Variants in LRRC7 observed in about 807,000 individuals in gnomAD.
LRRC7 encodes leucine-rich repeat-containing protein 7.
Under a neutral mutation model 175.7 loss-of-function variants are expected in LRRC7, and 23 were observed. That is an observed-to-expected ratio of 0.13 (90% CI 0.09 to 0.19). LRRC7 has a LOEUF of 0.19. LRRC7 is among the 10% of genes least tolerant of loss of function. The pLI is 1.00. For synonymous variants in LRRC7, 685 were observed against 680.9 expected (o/e 1.01, Z -0.09); for missense variants, 1,354 against 1,904.7 (o/e 0.71, Z 5.38).
Position 70,020,991 on chromosome 1 carries a change from G to A in LRRC7, c.1421-14G>A. 1 of 1,589,748 alleles carries A rather than the reference G, an allele frequency of 6.3e-7. No individual in the cohort carries two copies. The highest frequency in any genetic ancestry group is 8.5e-7 in the Non-Finnish European group (1 of 1,170,416). On this transcript the variant is annotated splice_polypyrimidine_tract_variant and intron_variant, in intron 15 of 26. Transcript: ENST00000651989. ...TTTTTAAAAAAACAATAATACTTTG[G>A]AATCTAACTGTAGATTTCCAGTCAG...
intron 8 of LRRC7, among the ~76,000 whole-genome samples, chr1:69,942,237 C>G (rs1648794633): frequency 6.6e-6 from 1 of 152,082 alleles, no homozygotes; most frequent in Non-Finnish European, 1.5e-5. Flanking sequence ...TTCCACAAAA[C>G]CCGTATGAAG....
intron 7 of LRRC7, among the ~76,000 whole-genome samples, chr1:69,869,596 A>G (rs1685302983): frequency 6.6e-6 from 1 of 152,132 alleles, no homozygotes; most frequent in African/African-American, 2.4e-5. Flanking sequence ...ATGAGAGCCC[A>G]TCCTCACATA....
chr1:69,728,431 C>T (rs1265442440), intron 2 of LRRC7, among the ~76,000 whole-genome samples: 1 of 152,120 alleles, frequency 6.6e-6, no homozygotes, highest in Non-Finnish European at 1.5e-5. Flanking sequence ...AAATATGCAG[C>T]AAGGGAAGGA....
chr1:70,022,762 A>T (rs1657646472), intron 16 of LRRC7, among the ~76,000 whole-genome samples: 1 of 152,180 alleles, frequency 6.6e-6, no homozygotes, highest in South Asian at 2.1e-4. Context: ...TCTTACACTA[A>T]ATCACACTTT....
chr1:69,945,748 T>C (rs1649238731), intron 8 of LRRC7, among the ~76,000 whole-genome samples: 1 of 152,154 alleles, frequency 6.6e-6, no homozygotes, highest in Non-Finnish European at 1.5e-5. Flanking sequence ...AAGTATTTTT[T>C]ATGCTATGAT....
chr1:69,989,650 A>T (rs1654247901), intron 10 of LRRC7, among the ~76,000 whole-genome samples: 1 of 152,086 alleles, frequency 6.6e-6, no homozygotes, highest in Non-Finnish European at 1.5e-5. Flanking sequence ...AAGCAAACAA[A>T]TTACCTTCTC....
chr1:70,113,608 A>G (rs1424336034), intron 26 of LRRC7, among the ~76,000 whole-genome samples: 1 of 152,136 alleles, frequency 6.6e-6, no homozygotes. Flanking sequence ...TTAAAAGCAC[A>G]TTGTACTTTT....
chr1:69,919,695 C>A, intron 7 of LRRC7: 1 of 982,882 alleles, frequency 1.0e-6, no homozygotes, highest in Non-Finnish European at 1.6e-6. Flanking sequence ...TGCAGCTCGG[C>A]CAAGGCCAGG....
At chr1:69,796,702 G>A (rs1257125571) in intron 4 of LRRC7, among the ~76,000 whole-genome samples, 2 of 151,932 alleles carry the variant, frequency 1.3e-5, no homozygotes, top group Non-Finnish European at 2.9e-5. Context: ...GCTGAGGCAG[G>A]AGAATCGCTT....
intron 8 of LRRC7, among the ~76,000 whole-genome samples, chr1:69,939,023 ATATATATCTATATATATC>A (rs1648382919): frequency 6.3e-5 from 7 of 111,642 alleles, no homozygotes; most frequent in African/African-American, 1.3e-4. Flanking sequence ...ATCTATATAT[ATATATATCTATATATATC>A]TATATCTATC....
chr1:69,742,101 CAAAAG>C lies in LRRC7; in HGVS notation c.101-18085_101-18081del, dbSNP rs567916041. Among the ~76,000 whole-genome samples, 20 of 150,904 alleles carry C rather than the reference CAAAAG, an allele frequency of 1.3e-4. No homozygotes were observed. The South Asian group carries it at 1.9e-3, about 14-fold the overall frequency. Reference sequence around the variant, plus strand: ...ATGTGAGTTATGTGACATAAAAACTCAAAAGAAAAACAGCCTAAAATCCTTAAGGT... The same window carrying C: ...ATGTGAGTTATGTGACATAAAAACTCAAAAACAGCCTAAAATCCTTAAGGT... On this transcript the variant is annotated intron_variant, in intron 2 of 26. Transcript: ENST00000651989.
At chr1:69,685,166 A>G (rs925756272) in intron 2 of LRRC7, among the ~76,000 whole-genome samples, 5 of 152,232 alleles carry the variant, frequency 3.3e-5, no homozygotes, top group African/African-American at 7.2e-5. Context: ...TTAGCATTAT[A>G]AAAAATCAGA....
intron 2 of LRRC7, among the ~76,000 whole-genome samples, chr1:69,740,349 T>C (rs887179993): frequency 6.6e-6 from 1 of 152,198 alleles, no homozygotes; most frequent in African/African-American, 2.4e-5. Context: ...ACATCCCTAG[T>C]GTTCCTTCTT....
In LRRC7 at chr1:70,137,482, A is replaced by G. The variant is rs1002076586; in HGVS notation, c.*15595A>G. Among the ~76,000 whole-genome samples the G allele has an allele frequency of 6.6e-6, 1 of 152,222 alleles. No homozygotes were observed. Among genetic ancestry groups the G allele is most frequent in the African/African-American group, 2.4e-5 (1 of 41,452 alleles). The stretch of plus-strand genomic sequence containing the variant: ...ATGTACGTACATCTGGTGGACTTGC[A>G]TATCTTTAACACTTATCATGTACCT... On this transcript the variant is annotated 3_prime_UTR_variant, in exon 27 of 27. Coordinates refer to ENST00000651989, the MANE Select transcript of LRRC7 (RefSeq NM_001370785.2).
chr1:69,850,646 C>A (rs754560873), intron 7 of LRRC7, among the ~76,000 whole-genome samples: 1 of 151,818 alleles, frequency 6.6e-6, no homozygotes, highest in African/African-American at 2.4e-5. Flanking sequence ...GGACAGAATG[C>A]GTGGTGAAAA....
At chr1:69,997,230 G>C (rs1655070163) in intron 11 of LRRC7, among the ~76,000 whole-genome samples, 1 of 152,174 alleles carries the variant, frequency 6.6e-6, no homozygotes, top group South Asian at 2.1e-4. Context: ...GAATGCTTGT[G>C]ATTTTTGTAC....
chr1:69,757,721 A>G (rs1225475555), intron 2 of LRRC7, among the ~76,000 whole-genome samples: 1 of 151,962 alleles, frequency 6.6e-6, no homozygotes, highest in African/African-American at 2.4e-5. Context: ...ACAGACATCA[A>G]GAAATAGCCA....
intron 23 of LRRC7, among the ~76,000 whole-genome samples, chr1:70,064,402 G>A (rs1333530184): frequency 1.3e-5 from 2 of 151,896 alleles, no homozygotes; most frequent in African/African-American, 4.8e-5. Flanking sequence ...CAACTTTATG[G>A]GACCAGGAGT....
chr1:69,982,735 A>C (rs1256432358), intron 9 of LRRC7, among the ~76,000 whole-genome samples: 1 of 152,210 alleles, frequency 6.6e-6, no homozygotes, highest in African/African-American at 2.4e-5. Flanking sequence ...TATTTTAAAC[A>C]AACTCCAGTA....
Sources: allele counts gnomAD v4.1 joint callset (sites outside exome capture counted in the v4.1 genomes callset), GRCh38; gene constraint gnomAD v4.1.1; transcripts MANE v1.5; gene names NCBI Gene and HGNC (gene_info 2026-07-23, HGNC 2026-07-21).